Variants in FAM53B observed in about 807,000 individuals in gnomAD.
The protein encoded by FAM53B is family with sequence similarity 53 member B, also known as protein FAM53B.
In FAM53B, 12 loss-of-function variants were observed where a neutral mutation model predicts 32.7. That is an observed-to-expected ratio of 0.37 (90% CI 0.24 to 0.59). FAM53B has a LOEUF of 0.59. Among genes scored for constraint, FAM53B ranks in the 20% least tolerant of loss-of-function variants. The pLI is 0.72. For missense variants in FAM53B, 477 were observed against 577.7 expected, an observed-to-expected ratio of 0.83 and a Z score of 1.79; for synonymous variants, 234 against 228.7, an observed-to-expected ratio of 1.02 and a Z score of -0.21.
intron 4 of FAM53B, among the ~76,000 whole-genome samples, chr10:124,663,674 C>T (rs552081406): frequency 5.3e-5 from 8 of 152,294 alleles, no homozygotes; most frequent in African/African-American, 7.2e-5. Flanking sequence ...GTGATGTCTT[C>T]GTGCCGGAAG....
chr10:124,632,609 A>C (rs1325602549), intron 4 of FAM53B, among the ~76,000 whole-genome samples: 1 of 152,246 alleles, frequency 6.6e-6, no homozygotes, highest in Non-Finnish European at 1.5e-5. Context: ...GGGGTGCTGA[A>C]GACAGGACTG....
At chr10:124,702,425 G>A (rs563725549) in intron 2 of FAM53B, among the ~76,000 whole-genome samples, 36 of 152,300 alleles carry the variant, frequency 2.4e-4, no homozygotes, top group African/African-American at 7.9e-4. Context: ...CTCACATTCT[G>A]TCCCGTGGAT....
chr10:124,676,009 G>A (rs947242167), intron 4 of FAM53B, among the ~76,000 whole-genome samples: 2 of 152,232 alleles, frequency 1.3e-5, no homozygotes, highest in African/African-American at 4.8e-5. Context: ...TGATTGATTA[G>A]CAATGTCTGT....
rs1335969652 is a variant in FAM53B at position 124,744,033 on chromosome 10, G to C, written c.-195C>G. The C allele has an allele frequency of 2.0e-5, 3 of 147,144 alleles. No individual in the cohort carries two copies. Among genetic ancestry groups the C allele is most frequent in the East Asian group, 2.0e-4 (1 of 5,052 alleles). 9.1% of individuals were successfully genotyped at this position (147,144 alleles called of 1,614,324 possible). ...CTTACTGTGCGCGGCGGGGCGCTCC[G>C]GGCGCGGACCCCGCGCCGTCACCGC... On this transcript the variant is annotated 5_prime_UTR_variant, in exon 1 of 5. Coordinates refer to ENST00000337318, the MANE Select transcript of FAM53B (RefSeq NM_014661.4).
chr10:124,681,585 T>C, intron 4 of FAM53B, 22 bp downstream of exon 4: 1 of 1,552,592 alleles, frequency 6.4e-7, no homozygotes, highest in Non-Finnish European at 8.7e-7. Context: ...CCAAGGTGAC[T>C]CCAGGCTGCT....
At chr10:124,693,004 T>C (rs1027898595) in intron 3 of FAM53B, among the ~76,000 whole-genome samples, 2 of 152,138 alleles carry the variant, frequency 1.3e-5, no homozygotes, top group African/African-American at 4.8e-5. Context: ...CATGGGAGAA[T>C]TCCACTGATC....
At chr10:124,736,678 G>A (rs981124883) in intron 1 of FAM53B, among the ~76,000 whole-genome samples, 50 of 152,258 alleles carry the variant, frequency 3.3e-4, no homozygotes, top group Non-Finnish European at 6.2e-4. Flanking sequence ...CTGGGAGGGA[G>A]GGTGGCCTCC....
At chr10:124,637,284 G>A (rs1226602279) in intron 4 of FAM53B, among the ~76,000 whole-genome samples, 1 of 152,144 alleles carries the variant, frequency 6.6e-6, no homozygotes, top group Non-Finnish European at 1.5e-5. Context: ...ATGAGGCAGC[G>A]CAGGTCCAGG....
intron 2 of FAM53B, among the ~76,000 whole-genome samples, chr10:124,698,453 C>T (rs1218758561): frequency 6.6e-6 from 1 of 152,140 alleles, no homozygotes; most frequent in Non-Finnish European, 1.5e-5. Flanking sequence ...CCAAGGGGGA[C>T]CTCAGGGCCC....
At position 124,621,065 on chromosome 10, in the gene FAM53B, C is replaced by T. The variant is rs923232412; in HGVS notation, c.*2177G>A. 2 of 152,256 alleles carry T rather than the reference C, an allele frequency of 1.3e-5. No individual in the cohort carries two copies. The highest frequency in any genetic ancestry group is 4.8e-5 in the African/African-American group (2 of 41,452). 9.4% of individuals were successfully genotyped at this position (152,256 alleles called of 1,614,324 possible). The stretch of plus-strand genomic sequence containing the variant: ...CAGTCCCACGACATATACCTGTCAC[C>T]ATGTGCCTCCCACCCCAGCCCTAAG... On this transcript the variant is annotated 3_prime_UTR_variant, in exon 5 of 5. Transcript: ENST00000337318.
At chr10:124,731,361 A>G (rs1950141515) in intron 1 of FAM53B, among the ~76,000 whole-genome samples, 1 of 152,176 alleles carries the variant, frequency 6.6e-6, no homozygotes, top group Admixed American at 6.5e-5. Flanking sequence ...AGAGAAGTGA[A>G]GTGGCTGAAC....
intron 4 of FAM53B, among the ~76,000 whole-genome samples, chr10:124,674,775 T>C (rs1458967950): frequency 6.6e-6 from 1 of 152,230 alleles, no homozygotes; most frequent in Non-Finnish European, 1.5e-5. Flanking sequence ...GGTAAGGCCT[T>C]GTTCTCCCTC....
intron 4 of FAM53B, among the ~76,000 whole-genome samples, chr10:124,665,148 A>G (rs1205189316): frequency 6.6e-6 from 1 of 152,222 alleles, no homozygotes; most frequent in Non-Finnish European, 1.5e-5. Context: ...AGCAGTTCAC[A>G]GCCTCCAGTG....
At chr10:124,639,430 C>T (rs142490833) in intron 4 of FAM53B, among the ~76,000 whole-genome samples, 1 of 152,330 alleles carries the variant, frequency 6.6e-6, no homozygotes, top group East Asian at 1.9e-4. Context: ...TCTGCTCTGT[C>T]TAGCTGAGTG....
rs779531337 is a variant in FAM53B at position 124,623,236 on chromosome 10, A to AC, written c.*5dup. The AC allele has an allele frequency of 4.4e-6, 7 of 1,581,340 alleles. No individual in the cohort carries two copies. In the South Asian group the frequency reaches 8.1e-5, roughly 18 times the overall value. On this transcript the variant is annotated 3_prime_UTR_variant, in exon 5 of 5. Transcript: ENST00000337318. ...ACACCCCAGCCCTGCCTGGGCCCACACCCCCTCAGTTCTTCTCTATCTGCT... is the reference window on the plus strand; with the variant it reads ...ACACCCCAGCCCTGCCTGGGCCCACACCCCCCTCAGTTCTTCTCTATCTGCT...
chr10:124,730,578 T>C (rs542390697), intron 1 of FAM53B, among the ~76,000 whole-genome samples: 1 of 152,300 alleles, frequency 6.6e-6, no homozygotes, highest in East Asian at 1.9e-4. Flanking sequence ...TCTCCCAGAT[T>C]TGGATTCTCC....
intron 4 of FAM53B, among the ~76,000 whole-genome samples, chr10:124,630,367 T>C (rs894577809): frequency 2.6e-5 from 4 of 152,110 alleles, no homozygotes; most frequent in African/African-American, 7.2e-5. Context: ...TGAGCCGAGA[T>C]TGCACCACTG....
chr10:124,697,563 C>G (rs1388812578), intron 2 of FAM53B, among the ~76,000 whole-genome samples: 1 of 152,136 alleles, frequency 6.6e-6, no homozygotes, highest in Non-Finnish European at 1.5e-5. Flanking sequence ...CCATGCTGAC[C>G]AACCTGGGGA....
intron 1 of FAM53B, among the ~76,000 whole-genome samples, chr10:124,731,085 A>G (rs369924946): frequency 1.4e-4 from 21 of 152,252 alleles, no homozygotes; most frequent in Admixed American, 7.8e-4. Flanking sequence ...ACTACTGCCC[A>G]TGAGCTAAAT....
Sources: allele counts gnomAD v4.1 joint callset (sites outside exome capture counted in the v4.1 genomes callset), GRCh38; gene constraint gnomAD v4.1.1; transcripts MANE v1.5; gene names NCBI Gene and HGNC (gene_info 2026-07-23, HGNC 2026-07-21).